The following LRP12 variants were observed in gnomAD, a reference collection of about 807,000 sequenced individuals.
LRP12 encodes LDL receptor related protein 12.
LRP12 carries 14 observed loss-of-function variants against 66.0 expected under a neutral mutation model. That is an observed-to-expected ratio of 0.21 (90% CI 0.14 to 0.33). The LOEUF is 0.33. LRP12 is among the 10% of genes least tolerant of loss of function. The probability of loss-of-function intolerance (pLI) is 1.00; values close to 1 mark genes in which losing one functional copy is unlikely to be tolerated. For missense variants in LRP12, 889 were observed against 1,053.4 expected, an observed-to-expected ratio of 0.84 and a Z score of 2.16; for synonymous variants, 357 against 359.1, an observed-to-expected ratio of 0.99 and a Z score of 0.07.
At chr8:104,560,215 C>A (rs1348535173) in intron 1 of LRP12, among the ~76,000 whole-genome samples, 1 of 151,850 alleles carries the variant, frequency 6.6e-6, no homozygotes, top group Non-Finnish European at 1.5e-5. Flanking sequence ...CCTTTAAAGG[C>A]CCAGGATGTT....
chr8:104,546,862 ATTATTC>A (rs1811566291), intron 1 of LRP12, among the ~76,000 whole-genome samples: 1 of 6,500 alleles, frequency 1.5e-4, no homozygotes, highest in Non-Finnish European at 2.6e-4. Context: ...CATTCTTATA[ATTATTC>A]TTCTTATAAT....
chr8:104,540,350 G>A (rs71520897), intron 1 of LRP12, among the ~76,000 whole-genome samples: 10,523 of 152,116 alleles, frequency 0.069, 417 homozygotes, highest in South Asian at 0.08. Flanking sequence ...CCCAGTCTGT[G>A]GTATTGTTAT....
intron 1 of LRP12, among the ~76,000 whole-genome samples, chr8:104,536,820 G>T (rs1811398661): frequency 6.6e-6 from 1 of 151,812 alleles, no homozygotes; most frequent in African/African-American, 2.4e-5. Flanking sequence ...ACAGTCAATA[G>T]AAAAATAACT....
rs879237391 is a variant in LRP12, at chr8:104,588,970, A to ACGC, written c.-76_-74dup. ...GAGAAGCTGGAGGTAGACGACGCCG[A>ACGC]CGCCGCCGCCGCCGCCGCCGCCGCC... On this transcript the variant is annotated 5_prime_UTR_variant, in exon 1 of 7. Coordinates refer to ENST00000276654, the MANE Select transcript of LRP12 (RefSeq NM_013437.5). 7.5e-3 allele frequency: 4,512 copies of ACGC among 599,684 alleles called. 99 individuals carry two copies. Among genetic ancestry groups the ACGC allele is most frequent in the East Asian group, 0.042 (940 of 22,244 alleles). The allele number at this position is 599,684 out of a possible 1,614,324, so 37.1% of individuals were successfully genotyped here. A position where few individuals can be genotyped will look rare whatever the true frequency, so the allele number is the denominator to read the frequency against.
chr8:104,496,586 T>C (rs1381550963), intron 5 of LRP12, among the ~76,000 whole-genome samples: 1 of 152,214 alleles, frequency 6.6e-6, no homozygotes, highest in African/African-American at 2.4e-5. Context: ...TGTGATATTA[T>C]GCCTTATTCA....
At chr8:104,525,528 T>C (rs966093801) in intron 2 of LRP12, among the ~76,000 whole-genome samples, 3 of 152,150 alleles carry the variant, frequency 2.0e-5, no homozygotes, top group African/African-American at 4.8e-5. Flanking sequence ...CAAAAATTCA[T>C]GAGTAAACAA....
intron 1 of LRP12, among the ~76,000 whole-genome samples, chr8:104,583,780 A>C (rs1002650065): frequency 2.6e-5 from 4 of 152,208 alleles, no homozygotes; most frequent in Admixed American, 6.5e-5. Flanking sequence ...AAACAAAAGA[A>C]AGAGTACATA....
chr8:104,512,272 G>C (rs113234646), intron 2 of LRP12, among the ~76,000 whole-genome samples: 1 of 152,126 alleles, frequency 6.6e-6, no homozygotes, highest in African/African-American at 2.4e-5. Flanking sequence ...AGCTGAGATC[G>C]TGCCACTGCA....
Position 104,495,161 on chromosome 8 carries a change from T to C in LRP12, c.1629A>G (p.Arg543=). The change falls in exon 6 of 7, where the codon AGA becomes AGG. Residue 543 remains arginine, a synonymous_variant. Coordinates refer to ENST00000276654, the MANE Select transcript of LRP12 (RefSeq NM_013437.5). The stretch of plus-strand genomic sequence containing the variant: ...ATTGTCCATACGAGGGAGGAGCTTC[T>C]CTTCTTAACAATTCTGCTTCCACTC... ...LSRVEAELLR[R]EAPPSYGQLI... 6.2e-7 allele frequency: 1 copy of C among 1,613,836 alleles called. No homozygotes were observed. The highest frequency in any genetic ancestry group is 8.5e-7 in the Non-Finnish European group (1 of 1,179,816).
chr8:104,585,522 G>A (rs1330932745), intron 1 of LRP12, among the ~76,000 whole-genome samples: 1 of 152,114 alleles, frequency 6.6e-6, no homozygotes, highest in Non-Finnish European at 1.5e-5. Flanking sequence ...CACCACGCCT[G>A]GCCTCTAAAC....
intron 1 of LRP12, among the ~76,000 whole-genome samples, chr8:104,579,792 T>G (rs532013447): frequency 8.7e-4 from 133 of 152,264 alleles, no homozygotes; most frequent in African/African-American, 3.1e-3. Flanking sequence ...TACAACTAAC[T>G]GATCTTCAAC....
chr8:104,528,889 A>G lies in LRP12; in HGVS notation c.136+3018T>C, dbSNP rs559468561. ...ATAATTGGAATAGATTTCATGTATT[A>G]TTCTTCTCATTCTGTTAGAAAGATT... On this transcript the variant is annotated intron_variant, in intron 2 of 6. Transcript: ENST00000276654. Among the ~76,000 whole-genome samples, 6 of 152,314 alleles carry G rather than the reference A, an allele frequency of 3.9e-5. No homozygotes were observed. The South Asian group carries it at 8.3e-4, about 21-fold the overall frequency.
chr8:104,546,843 G>A (rs1207730749), intron 1 of LRP12, among the ~76,000 whole-genome samples: 1 of 147,376 alleles, frequency 6.8e-6, no homozygotes, highest in Non-Finnish European at 1.5e-5. Flanking sequence ...ACTGATCCCA[G>A]GCCCTCTTCA....
intron 2 of LRP12, among the ~76,000 whole-genome samples, chr8:104,517,387 G>A (rs868311388): frequency 2.0e-5 from 3 of 151,974 alleles, no homozygotes; most frequent in Middle Eastern, 3.4e-3. Flanking sequence ...AGTTGGTAGA[G>A]CCACAGAAAA....
At chr8:104,528,059 G>A (rs1030333807) in intron 2 of LRP12, among the ~76,000 whole-genome samples, 2 of 152,120 alleles carry the variant, frequency 1.3e-5, no homozygotes, top group African/African-American at 4.8e-5. Context: ...TTTGTCACTG[G>A]TGCAGCATAA....
At chr8:104,568,219 T>G (rs1564147180) in intron 1 of LRP12, among the ~76,000 whole-genome samples, 1 of 152,100 alleles carries the variant, frequency 6.6e-6, no homozygotes, top group Non-Finnish European at 1.5e-5. Context: ...GGAAACCATG[T>G]GCAAAAGAAT....
chr8:104,558,767 A>C (rs73295171), intron 1 of LRP12, among the ~76,000 whole-genome samples: 2,608 of 152,016 alleles, frequency 0.017, 68 homozygotes, highest in African/African-American at 0.058. Context: ...AAAAAAAAAA[A>C]CAAATAATCC....
In LRP12 at chr8:104,569,644, C is replaced by A. The variant is rs962159716; in HGVS notation, c.79+19175G>T. ...GATTCATAATAAAACTCTTAGCAAA[C>A]TAGGAATACAAAAGAACATCCTCAA... On this transcript the variant is annotated intron_variant, in intron 1 of 6. Coordinates refer to ENST00000276654, the MANE Select transcript of LRP12 (RefSeq NM_013437.5). Among the ~76,000 whole-genome samples, 3 of 152,028 alleles carry A rather than the reference C, an allele frequency of 2.0e-5. No homozygotes were observed. The East Asian group carries it at 5.8e-4, about 29-fold the overall frequency.
intron 1 of LRP12, among the ~76,000 whole-genome samples, chr8:104,570,411 T>A (rs74806487): frequency 0.031 from 4,658 of 152,230 alleles, 237 homozygotes; most frequent in African/African-American, 0.11. Context: ...AGAAAGTGTG[T>A]TAATGACAAA....
Sources: allele counts gnomAD v4.1 joint callset (sites outside exome capture counted in the v4.1 genomes callset), GRCh38; gene constraint gnomAD v4.1.1; transcripts MANE v1.5; gene names NCBI Gene and HGNC (gene_info 2026-07-23, HGNC 2026-07-21).